Variants in GRID1 observed in about 807,000 individuals in gnomAD.
GRID1 encodes glutamate ionotropic receptor delta type subunit 1, also known as glutamate receptor ionotropic, delta-1.
In GRID1, 28 loss-of-function variants were observed where a neutral mutation model predicts 98.0. That is an observed-to-expected ratio of 0.29 (90% confidence interval 0.21 to 0.39). GRID1 has a LOEUF of 0.39. Ranked by LOEUF, GRID1 falls within the 10% of genes least tolerant of loss-of-function variation. GRID1 has a pLI of 1.00. For missense variants in GRID1, 1,111 were observed against 1,340.5 expected (o/e 0.83, Z 2.67); for synonymous variants, 553 against 538.5 (o/e 1.03, Z -0.37).
intron 8 of GRID1, among the ~76,000 whole-genome samples, chr10:85,737,647 T>TAC (rs1841897131): frequency 1.9e-5 from 1 of 52,724 alleles, no homozygotes; most frequent in African/African-American, 1.7e-4. Context: ...TAAAGCCAGA[T>TAC]ATATATATAT....
intron 14 of GRID1, among the ~76,000 whole-genome samples, chr10:85,615,069 G>C (rs1455506111): frequency 1.3e-5 from 2 of 152,200 alleles, no homozygotes; most frequent in Non-Finnish European, 2.9e-5. Flanking sequence ...CTGGACAGTT[G>C]TGTGATCTCT....
At chr10:85,681,187 G>A (rs1256177129) in intron 12 of GRID1, among the ~76,000 whole-genome samples, 4 of 151,868 alleles carry the variant, frequency 2.6e-5, no homozygotes, top group Non-Finnish European at 5.9e-5. Flanking sequence ...CCTCCATGAT[G>A]TGGCCCAATC....
chr10:85,887,895 A>G (rs1311571767), intron 5 of GRID1, among the ~76,000 whole-genome samples: 1 of 152,178 alleles, frequency 6.6e-6, no homozygotes, highest in Admixed American at 6.5e-5. Context: ...TGCCCATCAA[A>G]GACCTGCCTC....
chr10:86,182,859 T>C (rs925162312), intron 3 of GRID1, among the ~76,000 whole-genome samples: 4 of 152,204 alleles, frequency 2.6e-5, no homozygotes, highest in African/African-American at 4.8e-5. Context: ...CCATAAGGGA[T>C]ATGCGATTAT....
At chr10:85,892,786 A>G (rs1305343254) in intron 5 of GRID1, among the ~76,000 whole-genome samples, 1 of 152,082 alleles carries the variant, frequency 6.6e-6, no homozygotes, top group African/African-American at 2.4e-5. Context: ...CATTTATGGA[A>G]GAAAGAATAC....
chr10:85,667,160 C>T (rs1841028736), intron 12 of GRID1, among the ~76,000 whole-genome samples: 1 of 152,130 alleles, frequency 6.6e-6, no homozygotes, highest in Non-Finnish European at 1.5e-5. Context: ...GTGACTGTCT[C>T]CAGTGTAAAT....
intron 6 of GRID1, among the ~76,000 whole-genome samples, chr10:85,863,302 G>T (rs1259753507): frequency 6.6e-6 from 1 of 152,132 alleles, no homozygotes; most frequent in East Asian, 1.9e-4. Flanking sequence ...GAGAAGTCTG[G>T]TCTCTTCAGC....
intron 8 of GRID1, among the ~76,000 whole-genome samples, chr10:85,826,322 G>A: frequency 6.6e-6 from 1 of 152,196 alleles, no homozygotes; most frequent in African/African-American, 2.4e-5. Context: ...GCGACAGAGC[G>A]AGACTCCGTC....
rs1025321599 is a variant in GRID1 at position 86,242,164 on chromosome 10, G to A, written c.236-35516C>T. ...CCCACCTGGCAGGGAGTATGTGGTTGCTAAATCATGAACTGAGCCTTTTGA... is the reference window on the plus strand; with the variant it reads ...CCCACCTGGCAGGGAGTATGTGGTTACTAAATCATGAACTGAGCCTTTTGA... On this transcript the variant is annotated intron_variant, in intron 2 of 15. Coordinates refer to ENST00000327946, the MANE Select transcript of GRID1 (RefSeq NM_017551.3). Among the ~76,000 whole-genome samples the A allele has an allele frequency of 5.3e-5, 8 of 152,362 alleles. No homozygotes were observed. The East Asian group carries it at 1.5e-3, about 29-fold the overall frequency.
intron 2 of GRID1, among the ~76,000 whole-genome samples, chr10:86,338,510 G>A (rs1445715225): frequency 6.6e-6 from 1 of 152,120 alleles, no homozygotes. Flanking sequence ...AACCACAGCT[G>A]GAATTCATTT....
At chr10:85,729,287 G>GCAGC (rs1223182506) in intron 9 of GRID1, among the ~76,000 whole-genome samples, 2 of 152,162 alleles carry the variant, frequency 1.3e-5, no homozygotes, top group African/African-American at 2.4e-5. Context: ...CTTTTCTAGA[G>GCAGC]CAGCTCAGGG....
Position 86,205,631 on chromosome 10 carries a change from T to G in GRID1, c.520+733A>C, listed in dbSNP as rs565500029. 2.0e-3 allele frequency among the ~76,000 whole-genome samples: 298 copies of G among 152,276 alleles called. 1 individual carries two copies. Among genetic ancestry groups the G allele is most frequent in the African/African-American group, 6.8e-3 (283 of 41,536 alleles). On this transcript the variant is annotated intron_variant, in intron 3 of 15. Transcript: ENST00000327946. ...CCCTAGGTTGCTCCTTATAATTGCA[T>G]GTAAATCTAAATTATCACATAATTT...
At chr10:86,355,338 G>A (rs1271213518) in intron 2 of GRID1, among the ~76,000 whole-genome samples, 1 of 152,246 alleles carries the variant, frequency 6.6e-6, no homozygotes, top group African/African-American at 2.4e-5. Flanking sequence ...TGAGCACAGT[G>A]GGGGACCAGG....
intron 3 of GRID1, among the ~76,000 whole-genome samples, chr10:86,196,389 G>C (rs1325809817): frequency 6.6e-6 from 1 of 152,016 alleles, no homozygotes; most frequent in Non-Finnish European, 1.5e-5. Context: ...ACCTCAGGGA[G>C]TGCAATCACT....
At chr10:85,832,905 A>G (rs1246472821) in intron 8 of GRID1, among the ~76,000 whole-genome samples, 2 of 152,080 alleles carry the variant, frequency 1.3e-5, no homozygotes, top group South Asian at 2.1e-4. Context: ...ACCCTTCCAC[A>G]CTAACTACCC....
intron 8 of GRID1, among the ~76,000 whole-genome samples, chr10:85,836,788 A>T (rs1486998923): frequency 6.6e-6 from 1 of 151,664 alleles, no homozygotes. Flanking sequence ...CAACCTGAGC[A>T]CTCCTTGGCC....
chr10:86,008,150 C>G (rs1369699313), intron 4 of GRID1, among the ~76,000 whole-genome samples: 1 of 152,148 alleles, frequency 6.6e-6, no homozygotes, highest in Non-Finnish European at 1.5e-5. Flanking sequence ...ACAGAGCAAT[C>G]CCTCCCCTGG....
At position 85,973,503 on chromosome 10, in the gene GRID1, C is replaced by T. The variant is rs922843431; in HGVS notation, c.727-57264G>A. On this transcript the variant is annotated intron_variant, in intron 4 of 15. Coordinates refer to ENST00000327946, the MANE Select transcript of GRID1 (RefSeq NM_017551.3). ...AAGGAACTCTTTCAGATTTGTCTTTCGTTGCTGGAAGTCTCTGTTTGTACC... is the reference window on the plus strand; with the variant it reads ...AAGGAACTCTTTCAGATTTGTCTTTTGTTGCTGGAAGTCTCTGTTTGTACC... 7.2e-5 allele frequency among the ~76,000 whole-genome samples: 11 copies of T among 152,084 alleles called. No homozygotes were observed. The East Asian group carries it at 1.2e-3, about 16-fold the overall frequency.
intron 8 of GRID1, among the ~76,000 whole-genome samples, chr10:85,769,109 T>A (rs1428700889): frequency 6.6e-6 from 1 of 152,154 alleles, no homozygotes; most frequent in Non-Finnish European, 1.5e-5. Flanking sequence ...ATCAAGAAGT[T>A]CTTTCTGAAC....
Sources: allele counts gnomAD v4.1 joint callset (sites outside exome capture counted in the v4.1 genomes callset), GRCh38; gene constraint gnomAD v4.1.1; transcripts MANE v1.5; gene names NCBI Gene and HGNC (gene_info 2026-07-23, HGNC 2026-07-21).